STRN: variants seen among roughly 807,000 people sequenced by gnomAD.
STRN encodes striatin, also known as protein phosphatase 2 regulatory subunit B'''alpha.
In STRN, 53 loss-of-function variants were observed where a neutral mutation model predicts 96.3. The observed-to-expected ratio is 0.55, with a 90% CI of 0.44 to 0.69. STRN has a LOEUF of 0.69. STRN is among the 30% of genes least tolerant of loss of function. The probability of loss-of-function intolerance (pLI) is 0.00; values close to 1 mark genes in which losing one functional copy is unlikely to be tolerated. For synonymous variants in STRN, 428 were observed against 355.9 expected (o/e 1.20, Z -2.28); for missense variants, 987 against 963.9 (o/e 1.02, Z -0.32).
At chr2:36,962,787 T>TC (rs1415974324) in intron 1 of STRN, among the ~76,000 whole-genome samples, 4 of 152,136 alleles carry the variant, frequency 2.6e-5, no homozygotes, top group Non-Finnish European at 5.9e-5. Flanking sequence ...GGATTACAGG[T>TC]GTGAGCCACC....
intron 4 of STRN, among the ~76,000 whole-genome samples, chr2:36,904,398 A>G (rs988195099): frequency 2.6e-5 from 4 of 152,218 alleles, no homozygotes; most frequent in Non-Finnish European, 5.9e-5. Flanking sequence ...CTGAGGCACA[A>G]ATCTGAATAT....
intron 15 of STRN, among the ~76,000 whole-genome samples, chr2:36,852,462 A>T (rs1263122525): frequency 6.6e-6 from 1 of 152,204 alleles, no homozygotes; most frequent in African/African-American, 2.4e-5. Flanking sequence ...ACATCAGAGA[A>T]TGCCCTTGAT....
chr2:36,891,778 T>C (rs1669406198), intron 7 of STRN, among the ~76,000 whole-genome samples: 1 of 152,220 alleles, frequency 6.6e-6, no homozygotes, highest in African/African-American at 2.4e-5. Flanking sequence ...TTAAAAACAT[T>C]AGGAAACCTT....
intron 1 of STRN, among the ~76,000 whole-genome samples, chr2:36,955,145 C>T (rs539878920): frequency 6.6e-6 from 1 of 152,328 alleles, no homozygotes. Context: ...TCAGAAGCAG[C>T]TACACAGAGT....
chr2:36,847,439 AG>A lies in STRN; in HGVS notation c.*2016del, dbSNP rs1215806429. The stretch of plus-strand genomic sequence containing the variant: ...AGTATCCTTCTACAAATGTTAGGTT[AG>A]AAACATTCTTTCTTCACTGTGAAGA... On this transcript the variant is annotated 3_prime_UTR_variant, in exon 18 of 18. Transcript: ENST00000263918. 1 of 152,160 alleles carries A rather than the reference AG, an allele frequency of 6.6e-6. No individual in the cohort carries two copies. Among genetic ancestry groups the A allele is most frequent in the Non-Finnish European group, 1.5e-5 (1 of 68,020 alleles). 9.4% of individuals were successfully genotyped at this position (152,160 alleles called of 1,614,324 possible).
At chr2:36,947,552 T>C (rs1001769774) in intron 1 of STRN, among the ~76,000 whole-genome samples, 1 of 148,402 alleles carries the variant, frequency 6.7e-6, no homozygotes, top group East Asian at 1.9e-4. Context: ...GGAACATATA[T>C]ATTATTTACA....
intron 7 of STRN, among the ~76,000 whole-genome samples, chr2:36,892,218 T>C (rs987866071): frequency 6.6e-6 from 1 of 152,128 alleles, no homozygotes; most frequent in African/African-American, 2.4e-5. Flanking sequence ...CAGTAGGCAC[T>C]TAGGGACATA....
At chr2:36,925,071 A>G (rs961844278) in intron 2 of STRN, 34 bp downstream of exon 2, 2 of 1,582,482 alleles carry the variant, frequency 1.3e-6, no homozygotes, top group Admixed American at 3.3e-5. Flanking sequence ...CAAATAAACA[A>G]AAAAGAACAC....
At chr2:36,871,905 T>C (rs1668770759) in intron 10 of STRN, among the ~76,000 whole-genome samples, 1 of 152,156 alleles carries the variant, frequency 6.6e-6, no homozygotes, top group South Asian at 2.1e-4. Context: ...ATAGAACATG[T>C]CAAATTAGGA....
At chr2:36,886,395 A>T (rs1182773784) in intron 8 of STRN, among the ~76,000 whole-genome samples, 1 of 152,188 alleles carries the variant, frequency 6.6e-6, no homozygotes, top group African/African-American at 2.4e-5. Flanking sequence ...AAAGAAAAAC[A>T]TTGTTATAAT....
rs1307746973 is a variant in STRN at position 36,887,042 on chromosome 2, G to GACAGACACAC, written c.932-217_932-216insGTGTGTCTGT. ...TTCCTAGAATCAGTTTCTCCTGAAA[G>GACAGACACAC]ACACACACACACACACACACACACA... On this transcript the variant is annotated intron_variant, in intron 7 of 17. Transcript: ENST00000263918. Among the ~76,000 whole-genome samples the GACAGACACAC allele has an allele frequency of 1.1e-4, 16 of 144,890 alleles. No individual in the cohort carries two copies. In the East Asian group the frequency reaches 1.2e-3, roughly 11 times the overall value.
At chr2:36,885,519 T>C (rs1346940558) in intron 8 of STRN, among the ~76,000 whole-genome samples, 3 of 152,166 alleles carry the variant, frequency 2.0e-5, no homozygotes, top group Non-Finnish European at 4.4e-5. Context: ...TGTTTTAATA[T>C]TAATCTTTCT....
intron 1 of STRN, among the ~76,000 whole-genome samples, chr2:36,959,259 AAAAT>A (rs748004034): frequency 1.6e-4 from 25 of 152,350 alleles, no homozygotes; most frequent in East Asian, 3.9e-4. Flanking sequence ...TTATCTAAAA[AAAAT>A]AAATAAATAA....
At chr2:36,857,375 A>G (rs1668372082) in intron 14 of STRN, among the ~76,000 whole-genome samples, 1 of 152,128 alleles carries the variant, frequency 6.6e-6, no homozygotes, top group South Asian at 2.1e-4. Flanking sequence ...ACCAAAAACT[A>G]TGCTTTCAAA....
intron 9 of STRN, among the ~76,000 whole-genome samples, chr2:36,879,361 C>T (rs1436437394): frequency 6.6e-6 from 1 of 152,234 alleles, no homozygotes; most frequent in African/African-American, 2.4e-5. Context: ...TGAGCCACCA[C>T]GCCCAGCGAG....
chr2:36,850,991 A>G lies in STRN; in HGVS notation c.2086+9T>C. ...CTTTAATAAAAATCAATTCTTAATAAATTCTTACCTGTATTGTTATCATAG... is the reference window on the plus strand; with the variant it reads ...CTTTAATAAAAATCAATTCTTAATAGATTCTTACCTGTATTGTTATCATAG... On this transcript the variant is annotated intron_variant, in intron 16 of 17. Coordinates refer to ENST00000263918, the MANE Select transcript of STRN (RefSeq NM_003162.4). 2 of 1,559,304 alleles carry G rather than the reference A, an allele frequency of 1.3e-6. No homozygotes were observed. Among genetic ancestry groups the G allele is most frequent in the Non-Finnish European group, 8.6e-7 (1 of 1,156,430 alleles).
intron 3 of STRN, among the ~76,000 whole-genome samples, chr2:36,907,267 G>A (rs1269412523): frequency 2.0e-5 from 3 of 151,900 alleles, no homozygotes; most frequent in African/African-American, 4.8e-5. Context: ...AAGTATTTAC[G>A]GGACAGGCAC....
intron 10 of STRN, among the ~76,000 whole-genome samples, chr2:36,874,599 GAC>G (rs1157103020): frequency 1.3e-5 from 2 of 150,380 alleles, no homozygotes; most frequent in Non-Finnish European, 1.5e-5. Flanking sequence ...TAAAAAAATA[GAC>G]ACAGATAATA....
intron 1 of STRN, among the ~76,000 whole-genome samples, chr2:36,961,858 C>A (rs1260117387): frequency 6.6e-6 from 1 of 152,200 alleles, no homozygotes; most frequent in Admixed American, 6.5e-5. Context: ...TCTACTCTAG[C>A]CACTTTTCCC....
Sources: gnomAD v4.1 joint callset for allele counts (sites outside exome capture counted in the v4.1 genomes callset) on GRCh38, gnomAD v4.1.1 for gene constraint, MANE v1.5 for transcripts, NCBI Gene and HGNC (gene_info 2026-07-23, HGNC 2026-07-21) for gene names.